APOLD1: variants seen among roughly 807,000 people sequenced by gnomAD.
The protein encoded by APOLD1 is apolipoprotein L domain containing 1.
APOLD1 carries 22 observed loss-of-function variants against 15.3 expected under a neutral mutation model. The ratio of observed to expected loss-of-function variants is 1.44; its 90% CI spans 1.03 to 2.05. APOLD1 has a LOEUF of 2.05. Ranked by LOEUF, APOLD1 falls within the 30% of genes most tolerant of loss-of-function variation. The pLI is 0.00. For synonymous variants in APOLD1, 190 were observed against 167.4 expected (o/e 1.13, Z -1.04); for missense variants, 394 against 353.5 (o/e 1.11, Z -0.92).
intron 1 of APOLD1, among the ~76,000 whole-genome samples, chr12:12,777,894 T>G (rs1422166602): frequency 0.014 from 104 of 7,682 alleles, no homozygotes; most frequent in African/African-American, 0.024. Flanking sequence ...AAGGTGTTTT[T>G]TTTTTTTTTT....
intron 1 of APOLD1, among the ~76,000 whole-genome samples, chr12:12,778,727 T>G (rs902472162): frequency 6.6e-6 from 1 of 152,192 alleles, no homozygotes; most frequent in African/African-American, 2.4e-5. Context: ...GAATGATTAG[T>G]CAATTTTGCT....
At chr12:12,745,435 C>T (rs1170073645) in intron 1 of APOLD1, among the ~76,000 whole-genome samples, 1 of 151,972 alleles carries the variant, frequency 6.6e-6, no homozygotes, top group East Asian at 1.9e-4. Context: ...GAGGCTGAGG[C>T]TGGAGAATCG....
intron 1 of APOLD1, chr12:12,726,144 C>A: frequency 1.8e-6 from 1 of 558,646 alleles, no homozygotes; most frequent in South Asian, 2.4e-5. Flanking sequence ...GAAAAGAACA[C>A]CTCTTCGCAA....
rs537627504 is a variant in APOLD1 at position 12,788,716 on chromosome 12, A to C, written c.*1064A>C. On this transcript the variant is annotated 3_prime_UTR_variant, in exon 2 of 2. Transcript: ENST00000356591. ...GGGGCCCAGCAACCTGAGTTTAAAC[A>C]ATTTCTCTGGGTGGTTCTGCGGCAC... 1 of 152,078 alleles carries C rather than the reference A, an allele frequency of 6.6e-6. No individual in the cohort carries two copies. The highest frequency in any genetic ancestry group is 1.5e-5 in the Non-Finnish European group (1 of 68,016). 9.4% of individuals were successfully genotyped at this position (152,078 alleles called of 1,614,324 possible).
intron 1 of APOLD1, among the ~76,000 whole-genome samples, chr12:12,741,703 C>T (rs148099425): frequency 1.9e-4 from 29 of 152,340 alleles, no homozygotes; most frequent in Non-Finnish European, 3.8e-4. Flanking sequence ...GAGATGTTCT[C>T]TCTGTACAGT....
At chr12:12,781,917 T>A (rs1947084507), upstream of APOLD1, among the ~76,000 whole-genome samples, 1 of 152,046 alleles carries the variant, frequency 6.6e-6, no homozygotes, top group Admixed American at 6.6e-5. Context: ...ACATAGTCCT[T>A]TCCGCTAGAC....
At chr12:12,779,539 A>G (rs1302168508) in intron 1 of APOLD1, among the ~76,000 whole-genome samples, 1 of 152,196 alleles carries the variant, frequency 6.6e-6, no homozygotes, top group Non-Finnish European at 1.5e-5. Flanking sequence ...CTATATAACA[A>G]AAACGATGAA....
chr12:12,769,325 G>A (rs1043118791), intron 1 of APOLD1, among the ~76,000 whole-genome samples: 1 of 150,824 alleles, frequency 6.6e-6, no homozygotes, highest in Non-Finnish European at 1.5e-5. Context: ...ATCCATAAGA[G>A]ATGGGAGGTC....
At chr12:12,738,692 GA>G (rs113636194) in intron 1 of APOLD1, among the ~76,000 whole-genome samples, 25,607 of 152,136 alleles carry the variant, frequency 0.17, 2,421 homozygotes, top group Admixed American at 0.25. Flanking sequence ...GAAATTTAAT[GA>G]GTGCTTATGA....
intron 1 of APOLD1, among the ~76,000 whole-genome samples, chr12:12,777,488 C>A (rs1382521719): frequency 6.6e-6 from 1 of 152,094 alleles, no homozygotes; most frequent in Non-Finnish European, 1.5e-5. Context: ...TTAGCCAGAG[C>A]GAGATTTTTA....
intron 1 of APOLD1, among the ~76,000 whole-genome samples, chr12:12,734,295 T>C (rs1454308340): frequency 6.6e-6 from 1 of 152,238 alleles, no homozygotes; most frequent in Non-Finnish European, 1.5e-5. Context: ...GGAATCCGCC[T>C]GGGAATTCAC....
At position 12,787,532 on chromosome 12, in the gene APOLD1, C is replaced by T. The variant is rs1947142491; in HGVS notation, c.627C>T (p.Cys209=). 3 of 1,613,832 alleles carry T rather than the reference C, an allele frequency of 1.9e-6. No individual in the cohort carries two copies. The highest frequency in any genetic ancestry group is 1.6e-4 in the Middle Eastern group (1 of 6,084). Residue 209 remains cysteine, a synonymous_variant, in exon 2 of 2, where the codon TGC becomes TGT. Transcript: ENST00000356591. This position sits in a 1 kb window ranked among gnomAD's most constrained non-coding sequence, Gnocchi z 4.9. The stretch of plus-strand genomic sequence containing the variant: ...AACTGGCCGAGAGCCTGGAGTCCTG[C>T]ACCGGGGCTCTGGACGAACTCAGCG... ...IQKLAESLES[C]TGALDELSEQ... is the part of the protein sequence containing the mutation.
In APOLD1 at chr12:12,790,368, T is replaced by G. The variant is rs1009506802; in HGVS notation, c.*2716T>G. 2 of 152,232 alleles carry G rather than the reference T, an allele frequency of 1.3e-5. No homozygotes were observed. Among genetic ancestry groups the G allele is most frequent in the African/African-American group, 4.8e-5 (2 of 41,450 alleles). 9.4% of individuals were successfully genotyped at this position (152,232 alleles called of 1,614,324 possible). A position where few individuals can be genotyped will look rare whatever the true frequency, so the allele number is the denominator to read the frequency against. ...GAATTGTTTTGTTTCACAATCATTTTAAATCATTTTAGAATGTACTTCACA... is the reference window on the plus strand; with the variant it reads ...GAATTGTTTTGTTTCACAATCATTTGAAATCATTTTAGAATGTACTTCACA... On this transcript the variant is annotated 3_prime_UTR_variant, in exon 2 of 2. Transcript: ENST00000356591.
At chr12:12,744,318 A>G (rs1403579027) in intron 1 of APOLD1, among the ~76,000 whole-genome samples, 1 of 151,412 alleles carries the variant, frequency 6.6e-6, no homozygotes, top group Non-Finnish European at 1.5e-5. Flanking sequence ...AAAAAAAAAA[A>G]AAAAAAATGG....
rs139080097 is a variant in APOLD1 at position 12,733,442 on chromosome 12, A to G, written c.96+7346A>G. 5.3e-5 allele frequency among the ~76,000 whole-genome samples: 8 copies of G among 152,346 alleles called. No homozygotes were observed. The East Asian group carries it at 9.6e-4, about 18-fold the overall frequency. ...TTTTGTGAAAAATTTAAAAATTCACATGTATATAGGCATACAATTGAAGGT... is the reference window on the plus strand; with the variant it reads ...TTTTGTGAAAAATTTAAAAATTCACGTGTATATAGGCATACAATTGAAGGT... On this transcript the variant is annotated intron_variant, in intron 1 of 1. Coordinates refer to the APOLD1 transcript ENST00000326765.
chr12:12,757,121 A>G (rs190643170), intron 1 of APOLD1, among the ~76,000 whole-genome samples: 120 of 152,334 alleles, frequency 7.9e-4, no homozygotes, highest in African/African-American at 2.7e-3. Context: ...AAACTTCTCC[A>G]AAACAAGAAC....
At chr12:12,766,223 C>G (rs944307773) in intron 1 of APOLD1, among the ~76,000 whole-genome samples, 2 of 152,160 alleles carry the variant, frequency 1.3e-5, no homozygotes, top group Admixed American at 1.3e-4. Context: ...CCTCAACTCT[C>G]TTTAGGTCCA....
At chr12:12,785,560 A>G, upstream of APOLD1, 2 of 1,554,568 alleles carry the variant, frequency 1.3e-6, no homozygotes, top group East Asian at 2.3e-5. Flanking sequence ...AGCAGGGGTC[A>G]TGACAGGAAA....
chr12:12,733,330 A>AG (rs1946657890), intron 1 of APOLD1, among the ~76,000 whole-genome samples: 1 of 152,190 alleles, frequency 6.6e-6, no homozygotes, highest in Non-Finnish European at 1.5e-5. Context: ...CTCAAAAAAA[A>AG]AAAAGTTATA....
Sources: allele counts gnomAD v4.1 joint callset (sites outside exome capture counted in the v4.1 genomes callset), GRCh38; gene constraint gnomAD v4.1.1; non-coding constraint Gnocchi (gnomAD v3.1); transcripts MANE v1.5; gene names NCBI Gene and HGNC (gene_info 2026-07-23, HGNC 2026-07-21).